Variants in SRPK2 observed in about 807,000 individuals in gnomAD.
The protein encoded by SRPK2 is SRSF protein kinase 2.
Under a neutral mutation model 90.8 loss-of-function variants are expected in SRPK2, and 21 were observed. That is an observed-to-expected ratio of 0.23 (90% CI 0.16 to 0.33). SRPK2 has a LOEUF of 0.33. Ranked by LOEUF, SRPK2 falls within the 10% of genes least tolerant of loss-of-function variation. The probability of loss-of-function intolerance (pLI) is 1.00; values close to 1 mark genes in which losing one functional copy is unlikely to be tolerated. For synonymous variants in SRPK2, 288 were observed against 311.1 expected (o/e 0.93, Z 0.78); for missense variants, 620 against 869.0 (o/e 0.71, Z 3.60).
intron 2 of SRPK2, among the ~76,000 whole-genome samples, chr7:105,292,888 G>A (rs952498312): frequency 2.6e-5 from 4 of 152,162 alleles, no homozygotes; most frequent in Admixed American, 2.6e-4. Flanking sequence ...CTCTCTTGAG[G>A]GTTCCATTGC....
chr7:105,340,008 A>G (rs1182362641), intron 2 of SRPK2, among the ~76,000 whole-genome samples: 1 of 151,146 alleles, frequency 6.6e-6, no homozygotes, highest in Non-Finnish European at 1.5e-5. Flanking sequence ...CAGTGTGCCA[A>G]GATTATGCCA....
rs750832388 is a variant in SRPK2, at chr7:105,142,155, T to C, written c.1396A>G (p.Thr466Ala). 1.9e-6 allele frequency: 3 copies of C among 1,614,098 alleles called. No homozygotes were observed. The highest frequency in any genetic ancestry group is 2.5e-6 in the Non-Finnish European group (3 of 1,180,016). ...TCTAAGGATCCAGAGAACAACGAGGTGGAAAACTCTGGGAACTGTGACTCG... is the reference window on the plus strand; with the variant it reads ...TCTAAGGATCCAGAGAACAACGAGGCGGAAAACTCTGGGAACTGTGACTCG... ...IPESQFPEFSTSLFSGSLEPV... is the reference protein window; with the variant it reads ...IPESQFPEFSASLFSGSLEPV... The change falls in exon 11 of 16, where the codon ACC (threonine) becomes GCC (alanine). Residue 466 changes from threonine to alanine, a missense_variant. This residue lies in a region of SRPK2 where 243 missense variants were observed against 245.7 expected (regional missense o/e 0.99). Transcript: ENST00000393651.
intron 2 of SRPK2, among the ~76,000 whole-genome samples, chr7:105,246,534 A>G (rs561252863): frequency 1.3e-5 from 2 of 152,318 alleles, no homozygotes; most frequent in East Asian, 3.9e-4. Flanking sequence ...TGGTATTAAC[A>G]CCATGGAAAC....
chr7:105,306,505 C>A (rs1299494030), intron 2 of SRPK2: 1 of 455,124 alleles, frequency 2.2e-6, no homozygotes, highest in Non-Finnish European at 4.4e-6. Flanking sequence ...CCAACACTTC[C>A]TTTGAAATCT....
chr7:105,172,375 A>T (rs1022272485), intron 3 of SRPK2, among the ~76,000 whole-genome samples: 3 of 152,228 alleles, frequency 2.0e-5, no homozygotes, highest in African/African-American at 7.2e-5. Context: ...GGAAGGAAGA[A>T]GGGAGAAGTT....
At chr7:105,274,159 T>C (rs1806186564) in intron 2 of SRPK2, among the ~76,000 whole-genome samples, 1 of 152,204 alleles carries the variant, frequency 6.6e-6, no homozygotes, top group South Asian at 2.1e-4. Context: ...AACTGACCTT[T>C]CTGGTCTTAA....
intron 6 of SRPK2, among the ~76,000 whole-genome samples, chr7:105,163,660 A>C (rs1808049317): frequency 6.6e-6 from 1 of 152,068 alleles, no homozygotes; most frequent in South Asian, 2.1e-4. Context: ...ATAAATACAA[A>C]ATTAGCTGGG....
chr7:105,292,116 A>T (rs942601351), intron 2 of SRPK2, among the ~76,000 whole-genome samples: 1 of 152,220 alleles, frequency 6.6e-6, no homozygotes, highest in Non-Finnish European at 1.5e-5. Context: ...ACTTCAAGGA[A>T]TCAATGATTC....
intron 2 of SRPK2, among the ~76,000 whole-genome samples, chr7:105,297,105 T>C (rs1282343766): frequency 6.6e-6 from 1 of 152,160 alleles, no homozygotes; most frequent in African/African-American, 2.4e-5. Context: ...CTCTAGGGAA[T>C]TGTCAATAAC....
chr7:105,352,078 C>T (rs1041615982), intron 2 of SRPK2, among the ~76,000 whole-genome samples: 1 of 152,174 alleles, frequency 6.6e-6, no homozygotes, highest in Non-Finnish European at 1.5e-5. Context: ...ATCATTCCCT[C>T]CCTATGGAGC....
intron 2 of SRPK2, among the ~76,000 whole-genome samples, chr7:105,207,762 T>C (rs1339866353): frequency 1.3e-5 from 2 of 152,168 alleles, no homozygotes; most frequent in Non-Finnish European, 2.9e-5. Context: ...TTCTTAAATG[T>C]GACATTAAAA....
At chr7:105,364,548 C>G (rs1384587994) in intron 2 of SRPK2, among the ~76,000 whole-genome samples, 6 of 151,880 alleles carry the variant, frequency 4.0e-5, no homozygotes, top group Admixed American at 3.3e-4. Context: ...TTACAGGTAC[C>G]CGCCATCATG....
chr7:105,369,937 G>GA (rs1481278636), intron 2 of SRPK2, among the ~76,000 whole-genome samples: 2 of 152,150 alleles, frequency 1.3e-5, no homozygotes, highest in African/African-American at 4.8e-5. Flanking sequence ...TGAGGCAGGA[G>GA]AATCGCTTGA....
At chr7:105,206,364 T>C (rs1050944151) in intron 2 of SRPK2, 2 of 186,550 alleles carry the variant, frequency 1.1e-5, no homozygotes, top group Middle Eastern at 2.5e-3. Context: ...TTCCCGCACC[T>C]TCATTATAAT....
chr7:105,380,974 C>T (rs1179465551), intron 2 of SRPK2, among the ~76,000 whole-genome samples: 2 of 118,200 alleles, frequency 1.7e-5, no homozygotes, highest in Non-Finnish European at 3.4e-5. Flanking sequence ...AAAAAAAAAG[C>T]TGGGCCAGGG....
chr7:105,205,517 TCACACACACACACACACACACACACACA>T (rs543121144), intron 2 of SRPK2, among the ~76,000 whole-genome samples: 6,384 of 95,946 alleles, frequency 0.067, 514 homozygotes, highest in African/African-American at 0.21. Context: ...TCTCTCTCTC[TCACACACACACACACACACACACACACA>T]CACACACACA....
At chr7:105,327,119 A>G (rs1813690023) in intron 2 of SRPK2, among the ~76,000 whole-genome samples, 1 of 152,034 alleles carries the variant, frequency 6.6e-6, no homozygotes, top group Non-Finnish European at 1.5e-5. Flanking sequence ...CCCGATAATG[A>G]GCAATTTAGC....
chr7:105,141,987 T>C (rs762275012), intron 11 of SRPK2, 21 bp downstream of exon 11: 18 of 1,588,246 alleles, frequency 1.1e-5, no homozygotes, highest in Admixed American at 7.2e-5. Context: ...TGGCAGACAG[T>C]TGATGGGAAG....
In SRPK2 at chr7:105,282,904, A is replaced by C. The variant is rs201224553; in HGVS notation, c.72-79119T>G. Among the ~76,000 whole-genome samples the C allele has an allele frequency of 9.2e-5, 14 of 152,118 alleles. 1 individual carries two copies. In the East Asian group the frequency reaches 2.5e-3, roughly 27 times the overall value. On this transcript the variant is annotated intron_variant, in intron 2 of 15. Coordinates refer to ENST00000393651, the MANE Select transcript of SRPK2 (RefSeq NM_182692.3). ...TAAATCACGTAACTGATAAAAAAAA[A>C]AACTAGCATCCAGAATATATAAAGA...
Sources: allele counts gnomAD v4.1 joint callset (sites outside exome capture counted in the v4.1 genomes callset), GRCh38; gene constraint gnomAD v4.1.1; regional missense constraint gnomAD v4.1.1; transcripts MANE v1.5; gene names NCBI Gene and HGNC (gene_info 2026-07-23, HGNC 2026-07-21).